CHM: variants seen among roughly 807,000 people sequenced by gnomAD.
CHM encodes CHM Rab escort protein, also known as rab proteins geranylgeranyltransferase component A 1.
Under a neutral mutation model 49.0 loss-of-function variants are expected in CHM, and 10 were observed. The observed-to-expected ratio is 0.20, with a 90% CI of 0.13 to 0.35. CHM has a LOEUF of 0.35. Among genes scored for constraint, CHM ranks in the 10% least tolerant of loss-of-function variants. The pLI is 1.00. For missense variants in CHM, 455 were observed against 478.4 expected (o/e 0.95, Z 0.46); for synonymous variants, 184 against 167.5 (o/e 1.10, Z -0.76).
rs1303749963 is a variant in CHM at position 85,862,205 on chromosome X, A to G, written c.*2425T>C. ...AGGGTACAATAATGGACCACAAACTATCTCCTCCATTGTTCTACATATAGG... is the reference window on the plus strand; with the variant it reads ...AGGGTACAATAATGGACCACAAACTGTCTCCTCCATTGTTCTACATATAGG... On this transcript the variant is annotated 3_prime_UTR_variant, in exon 15 of 15. Transcript: ENST00000357749. 1 of 112,250 alleles carries G rather than the reference A, an allele frequency of 8.9e-6. No homozygotes were observed. The highest frequency in any genetic ancestry group is 1.9e-5 in the Non-Finnish European group (1 of 53,170). 9.3% of individuals were successfully genotyped at this position (112,250 alleles called of 1,213,427 possible).
intron 2 of CHM, among the ~76,000 whole-genome samples, chrX:86,001,494 A>C (rs1454775113): frequency 8.9e-6 from 1 of 111,749 alleles, no homozygotes; most frequent in Non-Finnish European, 1.9e-5. Flanking sequence ...GTGAGGTGCC[A>C]ACATCCGCTT....
chrX:85,979,684 C>G (rs919055235), intron 3 of CHM, among the ~76,000 whole-genome samples: 1 of 111,628 alleles, frequency 9.0e-6, no homozygotes, highest in African/African-American at 3.3e-5. Flanking sequence ...TCAGAGAAAA[C>G]TTTTTGAAAC....
intron 2 of CHM, among the ~76,000 whole-genome samples, chrX:85,986,355 G>A (rs933114853): frequency 5.4e-5 from 6 of 111,554 alleles, no homozygotes; most frequent in African/African-American, 2.0e-4. Flanking sequence ...GTTTCAGTGG[G>A]CAGCCCAGGA....
intron 14 of CHM, among the ~76,000 whole-genome samples, chrX:85,865,569 T>C (rs776563618): frequency 9.0e-6 from 1 of 111,706 alleles, no homozygotes; most frequent in East Asian, 2.8e-4. Flanking sequence ...GAAGTGACTA[T>C]GGAATTGGGT....
chrX:85,867,498 T>C lies in CHM; in HGVS notation c.1771-2677A>G, dbSNP rs947998391. Among the ~76,000 whole-genome samples, 4 of 112,521 alleles carry C rather than the reference T, an allele frequency of 3.6e-5. No individual in the cohort carries two copies. The Admixed American group carries it at 3.8e-4, about 11-fold the overall frequency. On this transcript the variant is annotated intron_variant, in intron 14 of 14. Coordinates refer to ENST00000357749, the MANE Select transcript of CHM (RefSeq NM_000390.4). Reference sequence around the variant, plus strand: ...TACTGGTATAGTCTAATTTAGCATATAGTAATTTTAACAAGTCACTGTTCA... The same window carrying C: ...TACTGGTATAGTCTAATTTAGCATACAGTAATTTTAACAAGTCACTGTTCA...
intron 9 of CHM, among the ~76,000 whole-genome samples, chrX:85,907,045 G>A (rs747063195): frequency 3.6e-5 from 4 of 111,669 alleles, no homozygotes; most frequent in South Asian, 7.6e-4. Context: ...CAGGAGAATC[G>A]CTTGAACCTG....
intron 1 of CHM, among the ~76,000 whole-genome samples, chrX:86,043,052 T>C (rs1934534288): frequency 8.9e-6 from 1 of 111,767 alleles, no homozygotes; most frequent in Admixed American, 9.5e-5. Context: ...ACACTGACTT[T>C]CCTTCTTAAA....
chrX:86,026,788 T>C (rs1050097909), intron 2 of CHM, among the ~76,000 whole-genome samples: 2 of 111,977 alleles, frequency 1.8e-5, no homozygotes, highest in Non-Finnish European at 3.8e-5. Flanking sequence ...GTAGTTAATA[T>C]CTAACAGAAA....
intron 2 of CHM, among the ~76,000 whole-genome samples, chrX:85,995,524 T>C (rs190568258): frequency 2.7e-5 from 3 of 111,751 alleles, no homozygotes; most frequent in Admixed American, 9.5e-5. Context: ...CTACAGCTTA[T>C]CTTAGAGAAA....
At chrX:85,919,784 C>T (rs1260393526) in intron 8 of CHM, among the ~76,000 whole-genome samples, 1 of 111,360 alleles carries the variant, frequency 9.0e-6, no homozygotes, top group Admixed American at 9.5e-5. Flanking sequence ...ATACATTTTT[C>T]ATATTGCTTC....
intron 8 of CHM, among the ~76,000 whole-genome samples, chrX:85,955,616 G>A (rs5968746): frequency 9.0e-6 from 1 of 111,112 alleles, no homozygotes; most frequent in Admixed American, 9.5e-5. Flanking sequence ...TCTTATGTAC[G>A]GCTAAAAGGT....
intron 4 of CHM, among the ~76,000 whole-genome samples, chrX:85,975,496 CACA>C (rs1490196598): frequency 8.9e-6 from 1 of 111,852 alleles, no homozygotes; most frequent in East Asian, 2.8e-4. Context: ...TACTGATGTA[CACA>C]ACAACCTGGA....
chrX:86,002,542 G>A (rs1932763710), intron 2 of CHM, among the ~76,000 whole-genome samples: 1 of 112,461 alleles, frequency 8.9e-6, no homozygotes, highest in South Asian at 3.6e-4. Flanking sequence ...TCATCTCACT[G>A]GGATGGGTTG....
intron 2 of CHM, among the ~76,000 whole-genome samples, chrX:86,005,449 C>T (rs1157731826): frequency 3.6e-5 from 4 of 111,188 alleles, no homozygotes; most frequent in Non-Finnish European, 7.5e-5. Flanking sequence ...CACAAAAAAC[C>T]CTTCAAAAAA....
chrX:85,969,426 A>G, intron 4 of CHM: 1 of 729,762 alleles, frequency 1.4e-6, no homozygotes, highest in African/African-American at 2.3e-5. Flanking sequence ...ACTAGAAACA[A>G]TAGCTACTTT....
At chrX:85,891,693 T>A (rs1175171743) in intron 12 of CHM, among the ~76,000 whole-genome samples, 2 of 112,018 alleles carry the variant, frequency 1.8e-5, no homozygotes, top group East Asian at 5.7e-4. Context: ...TAGGGCACTG[T>A]GGAAGGGAAA....
chrX:86,016,165 G>T lies in CHM; in HGVS notation c.116+11326C>A, dbSNP rs928528976. ...AAAAATTAAAAAAAAGGTGACTCAC[G>T]TGCCGTTAAAGGCATTCAGTTTTAT... On this transcript the variant is annotated intron_variant, in intron 2 of 14. Coordinates refer to ENST00000357749, the MANE Select transcript of CHM (RefSeq NM_000390.4). 3.6e-5 allele frequency among the ~76,000 whole-genome samples: 4 copies of T among 110,973 alleles called. No individual in the cohort carries two copies. The South Asian group carries it at 1.2e-3, about 32-fold the overall frequency.
chrX:85,907,190 T>A (rs1254919105), intron 9 of CHM, among the ~76,000 whole-genome samples: 1 of 112,119 alleles, frequency 8.9e-6, no homozygotes, highest in East Asian at 2.8e-4. Flanking sequence ...AAAATATATA[T>A]TCCTGACATC....
chrX:86,025,953 A>G (rs1933791126), intron 2 of CHM, among the ~76,000 whole-genome samples: 1 of 110,620 alleles, frequency 9.0e-6, no homozygotes, highest in South Asian at 3.8e-4. Flanking sequence ...TCAACAAACA[A>G]TAACTTTTAC....
Sources: gnomAD v4.1 joint callset for allele counts (sites outside exome capture counted in the v4.1 genomes callset) on GRCh38, gnomAD v4.1.1 for gene constraint, MANE v1.5 for transcripts, NCBI Gene and HGNC (gene_info 2026-07-23, HGNC 2026-07-21) for gene names.